Variants in ALS2 observed in about 807,000 individuals in gnomAD.
ALS2 encodes alsin.
A neutral mutation model predicts 203.4 loss-of-function variants in ALS2; 117 were observed. The ratio of observed to expected loss-of-function variants is 0.58; its 90% CI spans 0.50 to 0.67. ALS2 has a LOEUF of 0.67. Ranked by LOEUF, ALS2 falls within the 30% of genes least tolerant of loss-of-function variation. The pLI, the probability that ALS2 is intolerant of heterozygous loss-of-function variation, is 0.00. For synonymous variants in ALS2, 718 were observed against 725.9 expected (o/e 0.99, Z 0.17); for missense variants, 1,715 against 1,989.4 (o/e 0.86, Z 2.62).
chr2:201,707,863 A>C lies in ALS2; in HGVS notation c.4403+6T>G, dbSNP rs760463574. On this transcript the variant is annotated splice_donor_region_variant and intron_variant, in intron 28 of 33. Transcript: ENST00000264276. Reference sequence around the variant, plus strand: ...TTCTTCACTGTCCCCACCCAACTCCATTTACCCTGGCTCTGGTGATTCAGA... The same window carrying C: ...TTCTTCACTGTCCCCACCCAACTCCCTTTACCCTGGCTCTGGTGATTCAGA... The C allele has an allele frequency of 6.2e-7, 1 of 1,612,618 alleles. No individual in the cohort carries two copies. The highest frequency in any genetic ancestry group is 8.5e-7 in the Non-Finnish European group (1 of 1,179,178).
chr2:201,754,021 T>A (rs1219005909), intron 6 of ALS2, among the ~76,000 whole-genome samples: 5 of 152,032 alleles, frequency 3.3e-5, no homozygotes, highest in Admixed American at 6.6e-5. Flanking sequence ...TTCCTTTTTT[T>A]TTTTTTGAGA....
Position 201,723,050 on chromosome 2 carries a change from C to G in ALS2, c.3695G>C (p.Ser1232Thr). The G allele has an allele frequency of 6.2e-7, 1 of 1,609,456 alleles. No homozygotes were observed. The highest frequency in any genetic ancestry group is 8.5e-7 in the Non-Finnish European group (1 of 1,177,282). The change falls in exon 23 of 34, where the codon AGT becomes ACT. Residue 1232 changes from serine to threonine, a missense_variant. Transcript: ENST00000264276. ...EGEFSDDWTL[S>T]GKGTLTMPNG... ...AGAAAGCTAGTTTCCAACCTTTCCA[C>G]TAAGAGTCCAGTCATCTGAAAATTC... is the stretch of plus-strand genomic sequence containing the variant.
intron 26 of ALS2, among the ~76,000 whole-genome samples, chr2:201,710,609 A>G (rs1689975788): frequency 6.6e-6 from 1 of 152,156 alleles, no homozygotes; most frequent in Non-Finnish European, 1.5e-5. Flanking sequence ...ACTTCCCATC[A>G]ATATACATCA....
chr2:201,771,801 T>C (rs1559092795), intron 1 of ALS2, among the ~76,000 whole-genome samples: 1 of 152,234 alleles, frequency 6.6e-6, no homozygotes, highest in Non-Finnish European at 1.5e-5. Flanking sequence ...AGAGAAGCTT[T>C]AAGGTCTTTA....
chr2:201,735,660 TG>T, intron 12 of ALS2, among the ~76,000 whole-genome samples: 1 of 152,388 alleles, frequency 6.6e-6, no homozygotes, highest in African/African-American at 2.4e-5. Context: ...GCTCTGGGCA[TG>T]GTGCTGTGCA....
In ALS2 at chr2:201,707,040, G is replaced by A. The variant is rs201341532; in HGVS notation, c.4404-18C>T. 3.9e-4 allele frequency: 624 copies of A among 1,603,462 alleles called. 2 individuals carry two copies. Among genetic ancestry groups the A allele is most frequent in the Non-Finnish European group, 6.4e-5 (75 of 1,173,638 alleles). ...CTACATAACTACAAAATAATGGAGTGGGAGAAAAGGAGCATTTTTCATATT... is the reference window on the plus strand; with the variant it reads ...CTACATAACTACAAAATAATGGAGTAGGAGAAAAGGAGCATTTTTCATATT... On this transcript the variant is annotated intron_variant, in intron 28 of 33. Transcript: ENST00000264276.
chr2:201,737,365 C>G (rs1358490957), intron 12 of ALS2, among the ~76,000 whole-genome samples: 1 of 152,012 alleles, frequency 6.6e-6, no homozygotes, highest in Non-Finnish European at 1.5e-5. Context: ...CAAGAGACAA[C>G]TGTATAAGTA....
chr2:201,778,565 A>G (rs779939149), intron 1 of ALS2: 9 of 152,176 alleles, frequency 5.9e-5, no homozygotes, highest in Non-Finnish European at 1.3e-4. Flanking sequence ...AAAAAGAAAC[A>G]AGCCAGAGAT....
chr2:201,728,905 C>T (rs1010772540), intron 14 of ALS2, 147 bp downstream of exon 14: 15 of 1,248,790 alleles, frequency 1.2e-5, no homozygotes, highest in Non-Finnish European at 1.8e-5. Context: ...TTTAGAGTAC[C>T]CATTAGTATG....
chr2:201,743,486 G>A (rs112013545), intron 10 of ALS2, among the ~76,000 whole-genome samples: 7,898 of 152,102 alleles, frequency 0.052, 221 homozygotes, highest in Middle Eastern at 0.085. Flanking sequence ...TGAGGGATAA[G>A]ATCTTTTTTT....
chr2:201,761,416 T>C lies in ALS2; in HGVS notation c.578A>G (p.Gln193Arg). 1 of 1,608,348 alleles carries C rather than the reference T, an allele frequency of 6.2e-7. No homozygotes were observed. ...ITTAFPVTKP[Q>R]KVEHLAGRVV... The stretch of plus-strand genomic sequence containing the variant: ...TCGCCCAGCAAGATGTTCTACCTTT[T>C]GCGGCTTTGTCACTGGGAAGGCAGT... Residue 193 changes from glutamine to arginine, a missense_variant, in exon 4 of 34, where the codon CAA becomes CGA. Coordinates refer to ENST00000264276, the MANE Select transcript of ALS2 (RefSeq NM_020919.4).
chr2:201,760,643 T>C lies in ALS2; in HGVS notation c.1113+238A>G, dbSNP rs1693703708. The C allele has an allele frequency of 3.8e-6, 5 of 1,319,096 alleles. No individual in the cohort carries two copies. In the African/African-American group the frequency reaches 4.5e-5, roughly 12 times the overall value. The allele number at this position is 1,319,096 out of a possible 1,614,324, so 81.7% of individuals were successfully genotyped here. A position where few individuals can be genotyped will look rare whatever the true frequency, so the allele number is the denominator to read the frequency against. ...AAAAAAAATGAAATGCTCCTACTTA[T>C]AAAACAAGCCCAACATGACACCTTT... is the stretch of plus-strand genomic sequence containing the variant. On this transcript the variant is annotated intron_variant, in intron 4 of 33. Transcript: ENST00000264276.
At position 201,704,575 on chromosome 2, in the gene ALS2, T is replaced by C; in HGVS notation, c.4717A>G (p.Lys1573Glu). The C allele has an allele frequency of 6.2e-7, 1 of 1,614,142 alleles. No individual in the cohort carries two copies. Among genetic ancestry groups the C allele is most frequent in the Non-Finnish European group, 8.5e-7 (1 of 1,180,000 alleles). ...TCCTCAAAAGTCTGCTGGATGACCT[T>C]AAGTTTGTCTGATGGGGTAAATGTT... The part of the protein sequence containing the change: ...STTFTPSDKL[K>E]VIQQTFEEIS... The change falls in exon 32 of 34, where the codon AAG becomes GAG. Residue 1573 changes from lysine (K) to glutamate (E), a missense_variant. This residue lies in a region of ALS2 where 1,227 missense variants were observed against 1,413.5 expected (regional missense o/e 0.87). Coordinates refer to ENST00000264276, the MANE Select transcript of ALS2 (RefSeq NM_020919.4).
intron 8 of ALS2, among the ~76,000 whole-genome samples, chr2:201,748,324 A>G (rs577778061): frequency 6.6e-5 from 10 of 152,282 alleles, no homozygotes; most frequent in African/African-American, 2.2e-4. Context: ...CAAAGGACGC[A>G]TTACAATTTT....
chr2:201,700,862 GT>G lies in ALS2; in HGVS notation c.*988del, dbSNP rs1469111467. ...AAAAGCAAAACACTGAAATGTTGAG[GT>G]GCCACAATACTTTTGAGATGGAAAA... On this transcript the variant is annotated 3_prime_UTR_variant, in exon 34 of 34. Transcript: ENST00000264276. The G allele has an allele frequency of 1.3e-5, 2 of 152,330 alleles. No homozygotes were observed. Among genetic ancestry groups the G allele is most frequent in the African/African-American group, 4.8e-5 (2 of 41,456 alleles). 9.4% of individuals were successfully genotyped at this position (152,330 alleles called of 1,614,324 possible). A position where few individuals can be genotyped will look rare whatever the true frequency, so the allele number is the denominator to read the frequency against.
At chr2:201,707,679 C>T (rs1689807543) in intron 28 of ALS2, among the ~76,000 whole-genome samples, 190 bp downstream of exon 28, 1 of 152,182 alleles carries the variant, frequency 6.6e-6, no homozygotes, top group South Asian at 2.1e-4. Flanking sequence ...ATCCTCCCAC[C>T]TCAGCCTCCC....
At position 201,704,573 on chromosome 2, in the gene ALS2, C is replaced by T; in HGVS notation, c.4719G>A (p.Lys1573=). The change falls in exon 32 of 34, where the codon AAG becomes AAA. Residue 1573 remains lysine, a synonymous_variant. Coordinates refer to ENST00000264276, the MANE Select transcript of ALS2 (RefSeq NM_020919.4). The part of the protein sequence containing the change: ...STTFTPSDKL[K]VIQQTFEEIS... Reference sequence around the variant, plus strand: ...TCTCCTCAAAAGTCTGCTGGATGACCTTAAGTTTGTCTGATGGGGTAAATG... The same window carrying T: ...TCTCCTCAAAAGTCTGCTGGATGACTTTAAGTTTGTCTGATGGGGTAAATG... 6.2e-7 allele frequency: 1 copy of T among 1,614,114 alleles called. No homozygotes were observed. Among genetic ancestry groups the T allele is most frequent in the Non-Finnish European group, 8.5e-7 (1 of 1,180,008 alleles).
At chr2:201,749,376 CAA>C (rs1437758204) in intron 8 of ALS2, among the ~76,000 whole-genome samples, 6 of 152,008 alleles carry the variant, frequency 3.9e-5, no homozygotes, top group Non-Finnish European at 7.4e-5. Context: ...ATGGAGAATT[CAA>C]AGAGTAGACA....
At chr2:201,764,966 T>C (rs1340883539) in intron 3 of ALS2, among the ~76,000 whole-genome samples, 1 of 152,180 alleles carries the variant, frequency 6.6e-6, no homozygotes, top group East Asian at 1.9e-4. Flanking sequence ...GAAGGTATGA[T>C]TCTAAAGATA....
Sources: gnomAD v4.1 joint callset for allele counts (sites outside exome capture counted in the v4.1 genomes callset) on GRCh38, gnomAD v4.1.1 for gene constraint, gnomAD v4.1.1 regional missense constraint, MANE v1.5 for transcripts, NCBI Gene and HGNC (gene_info 2026-07-23, HGNC 2026-07-21) for gene names.